Variants in PAPPA observed in about 807,000 individuals in gnomAD.
The protein encoded by PAPPA is pappalysin-1.
Under a neutral mutation model 164.0 loss-of-function variants are expected in PAPPA, and 60 were observed. The observed-to-expected ratio is 0.37, with a 90% CI of 0.30 to 0.45. The LOEUF is 0.45. Among genes scored for constraint, PAPPA ranks in the 20% least tolerant of loss-of-function variants. The probability of loss-of-function intolerance (pLI) is 1.00; values close to 1 mark genes in which losing one functional copy is unlikely to be tolerated. For missense variants in PAPPA, 1,782 were observed against 2,087.3 expected, an observed-to-expected ratio of 0.85 and a Z score of 2.85; for synonymous variants, 875 against 814.1, an observed-to-expected ratio of 1.07 and a Z score of -1.27.
chr9:116,305,847 A>G (rs938000250), intron 10 of PAPPA, among the ~76,000 whole-genome samples: 1 of 152,200 alleles, frequency 6.6e-6, no homozygotes, highest in African/African-American at 2.4e-5. Context: ...AAACAGGCAG[A>G]AAGACTCCTA....
At chr9:116,368,888 C>A (rs1458450353) in intron 19 of PAPPA, among the ~76,000 whole-genome samples, 2 of 152,114 alleles carry the variant, frequency 1.3e-5, no homozygotes, top group African/African-American at 2.4e-5. Flanking sequence ...GGCACGATTG[C>A]CAGGGCTTAC....
At chr9:116,209,488 C>T (rs1019345263) in intron 3 of PAPPA, among the ~76,000 whole-genome samples, 5 of 152,196 alleles carry the variant, frequency 3.3e-5, no homozygotes, top group African/African-American at 9.6e-5. Context: ...TTAGAAAAAA[C>T]TACTCCTGAT....
chr9:116,271,292 T>A lies in PAPPA; in HGVS notation c.2862-33T>A. The A allele has an allele frequency of 6.5e-7, 1 of 1,532,658 alleles. No individual in the cohort carries two copies. 94.9% of individuals were successfully genotyped at this position (1,532,658 alleles called of 1,614,324 possible). On this transcript the variant is annotated intron_variant, in intron 8 of 21. Coordinates refer to ENST00000328252, the MANE Select transcript of PAPPA (RefSeq NM_002581.5). This position sits in a 1 kb window ranked among gnomAD's most constrained non-coding sequence, Gnocchi z 4.2. ...GTCCAGCCATGGTTTTAAGACTAAA[T>A]TGGCAAATTTCTCTTCCATATCTGC...
chr9:116,191,709 T>A (rs139236347), intron 2 of PAPPA, among the ~76,000 whole-genome samples: 1 of 152,100 alleles, frequency 6.6e-6, no homozygotes, highest in Non-Finnish European at 1.5e-5. Context: ...AAGATTTGAG[T>A]AGGCATTTGA....
At chr9:116,155,524 G>A (rs1843591645) in intron 1 of PAPPA, among the ~76,000 whole-genome samples, 1 of 152,194 alleles carries the variant, frequency 6.6e-6, no homozygotes, top group African/African-American at 2.4e-5. Flanking sequence ...TTTCTGTCTG[G>A]GAGATTCCCT....
At chr9:116,238,254 G>T (rs1293676121) in intron 7 of PAPPA, among the ~76,000 whole-genome samples, 1 of 152,162 alleles carries the variant, frequency 6.6e-6, no homozygotes, top group Admixed American at 6.5e-5. Context: ...CAGACCAATG[G>T]CATCAGTATC....
intron 9 of PAPPA, among the ~76,000 whole-genome samples, chr9:116,280,606 C>T (rs944567471): frequency 6.6e-6 from 1 of 152,196 alleles, no homozygotes; most frequent in African/African-American, 2.4e-5. Context: ...TGTGGTGAAG[C>T]TGCTATTTAC....
chr9:116,246,571 G>A (rs1311492386), intron 7 of PAPPA, among the ~76,000 whole-genome samples: 1 of 152,148 alleles, frequency 6.6e-6, no homozygotes, highest in East Asian at 1.9e-4. Context: ...TCAACCTTGT[G>A]CCTCTTATAA....
chr9:116,175,946 C>T (rs1462727951), intron 1 of PAPPA, among the ~76,000 whole-genome samples: 1 of 152,204 alleles, frequency 6.6e-6, no homozygotes, highest in Non-Finnish European at 1.5e-5. Flanking sequence ...TCAACAACTA[C>T]ATGTGGGAAC....
intron 10 of PAPPA, among the ~76,000 whole-genome samples, chr9:116,318,882 C>T (rs1056068712): frequency 3.9e-5 from 6 of 152,304 alleles, no homozygotes; most frequent in Admixed American, 1.3e-4. Flanking sequence ...GCCCAGCCGC[C>T]GACCCTCAGC....
At chr9:116,253,566 CT>C (rs1448952279) in intron 7 of PAPPA, among the ~76,000 whole-genome samples, 1 of 152,134 alleles carries the variant, frequency 6.6e-6, no homozygotes, top group African/African-American at 2.4e-5. Flanking sequence ...CCAACCACCC[CT>C]CACCACCAAT....
chr9:116,201,587 G>A (rs1167054075), intron 2 of PAPPA, among the ~76,000 whole-genome samples: 2 of 152,146 alleles, frequency 1.3e-5, no homozygotes, highest in Non-Finnish European at 2.9e-5. Flanking sequence ...CATCTCGAGG[G>A]TTTTTCATGA....
chr9:116,310,702 C>T (rs530123241), intron 10 of PAPPA, among the ~76,000 whole-genome samples: 1 of 152,244 alleles, frequency 6.6e-6, no homozygotes, highest in South Asian at 2.1e-4. Flanking sequence ...TTCAAATCTA[C>T]AAAAGTCTAG....
intron 17 of PAPPA, among the ~76,000 whole-genome samples, chr9:116,361,110 C>T (rs1281482249): frequency 6.6e-6 from 1 of 152,108 alleles, no homozygotes. Flanking sequence ...CTCTGGAGAG[C>T]AAGAAACTGG....
chr9:116,189,154 C>T (rs1003473554), intron 2 of PAPPA, among the ~76,000 whole-genome samples: 1 of 152,124 alleles, frequency 6.6e-6, no homozygotes, highest in African/African-American at 2.4e-5. Flanking sequence ...TAATGAACAA[C>T]AAGATCAATA....
At chr9:116,207,679 G>A (rs556124590) in intron 3 of PAPPA, 78 bp downstream of exon 3, 15 of 1,080,814 alleles carry the variant, frequency 1.4e-5, no homozygotes, top group East Asian at 1.3e-4. Flanking sequence ...TCATTGTTAC[G>A]ATCATGATGG....
chr9:116,332,296 G>A (rs1846003063), intron 11 of PAPPA, 37 bp from the exon 12 acceptor site: 3 of 1,595,602 alleles, frequency 1.9e-6, no homozygotes, highest in South Asian at 2.2e-5. Flanking sequence ...ACATGACTGA[G>A]TGCACATGTG....
rs190659315 is a variant in PAPPA, at chr9:116,188,489, A to T, written c.1478+273A>T. ...AAGAGCCCAGAGTTCAAATTGAGTGATATAAGCTGAGTACAAATAGCTGTT... is the reference window on the plus strand; with the variant it reads ...AAGAGCCCAGAGTTCAAATTGAGTGTTATAAGCTGAGTACAAATAGCTGTT... On this transcript the variant is annotated intron_variant, in intron 2 of 21. Coordinates refer to ENST00000328252, the MANE Select transcript of PAPPA (RefSeq NM_002581.5). Among the ~76,000 whole-genome samples, 41 of 152,324 alleles carry T rather than the reference A, an allele frequency of 2.7e-4. 1 individual carries two copies. In the East Asian group the frequency reaches 7.1e-3, roughly 26 times the overall value.
At chr9:116,317,418 T>A (rs1381871401) in intron 10 of PAPPA, among the ~76,000 whole-genome samples, 1 of 152,214 alleles carries the variant, frequency 6.6e-6, no homozygotes, top group Non-Finnish European at 1.5e-5. Context: ...TTAGTCTTAA[T>A]AGCTCTGAGC....
Sources: allele counts gnomAD v4.1 joint callset (sites outside exome capture counted in the v4.1 genomes callset), GRCh38; gene constraint gnomAD v4.1.1; non-coding constraint Gnocchi (gnomAD v3.1); transcripts MANE v1.5; gene names NCBI Gene and HGNC (gene_info 2026-07-23, HGNC 2026-07-21).